Variants in MLPH observed in about 807,000 individuals in gnomAD.
MLPH encodes exophilin-3.
In MLPH, 51 loss-of-function variants were observed where a neutral mutation model predicts 72.1. The observed-to-expected ratio is 0.71, with a 90% CI of 0.56 to 0.89. The LOEUF is 0.89. Ranked by LOEUF, MLPH falls within the 40% of genes least tolerant of loss-of-function variation. The pLI is 0.00. For synonymous variants in MLPH, 301 were observed against 310.1 expected, an observed-to-expected ratio of 0.97 and a Z score of 0.31; for missense variants, 743 against 759.9, an observed-to-expected ratio of 0.98 and a Z score of 0.26.
chr2:237,501,710 A>G (rs58025064), intron 2 of MLPH, among the ~76,000 whole-genome samples: 18,694 of 148,832 alleles, frequency 0.13, 1,523 homozygotes, highest in East Asian at 0.21. Context: ...TTAGCCAGGC[A>G]TGGTGGCAGG....
At chr2:237,498,804 C>T (rs1263093967) in intron 2 of MLPH, among the ~76,000 whole-genome samples, 2 of 152,172 alleles carry the variant, frequency 1.3e-5, no homozygotes, top group Admixed American at 1.3e-4. Context: ...TGCTGTGCAC[C>T]ATAGAATCGA....
intron 8 of MLPH, 152 bp from the exon 9 acceptor site, chr2:237,534,412 C>CAAT (rs1460428516): frequency 1.8e-5 from 13 of 710,566 alleles, no homozygotes; most frequent in Non-Finnish European, 2.3e-5. Context: ...ATGGGTTTCA[C>CAAT]AATTAACCTT....
At chr2:237,515,002 T>C (rs988722860) in intron 4 of MLPH, among the ~76,000 whole-genome samples, 6 of 152,242 alleles carry the variant, frequency 3.9e-5, no homozygotes, top group African/African-American at 1.4e-4. Context: ...TGTTATAAAG[T>C]CCGTCGTTCA....
chr2:237,500,163 C>T (rs2079616964), intron 2 of MLPH, among the ~76,000 whole-genome samples: 1 of 152,216 alleles, frequency 6.6e-6, no homozygotes, highest in South Asian at 2.1e-4. Context: ...CTAGTCCCTT[C>T]TCTGTCTCCT....
At chr2:237,509,376 T>C (rs1559343472) in intron 2 of MLPH, among the ~76,000 whole-genome samples, 1 of 152,094 alleles carries the variant, frequency 6.6e-6, no homozygotes, top group Non-Finnish European at 1.5e-5. Context: ...CCGTTCTGCC[T>C]GGATACAGAA....
At chr2:237,538,137 C>G (rs2080578731) in intron 9 of MLPH, among the ~76,000 whole-genome samples, 1 of 152,206 alleles carries the variant, frequency 6.6e-6, no homozygotes, top group African/African-American at 2.4e-5. Flanking sequence ...TGGCCGTGAA[C>G]AAAGTCGACA....
intron 9 of MLPH, among the ~76,000 whole-genome samples, chr2:237,536,124 C>T (rs992717039): frequency 2.0e-5 from 3 of 152,250 alleles, no homozygotes; most frequent in African/African-American, 4.8e-5. Context: ...GCCAGGGCTC[C>T]GGAGAAACAG....
intron 4 of MLPH, 161 bp downstream of exon 4, chr2:237,511,262 G>T: frequency 5.1e-6 from 3 of 593,176 alleles, no homozygotes; most frequent in Admixed American, 3.0e-5. Context: ...TCCTGCTTCT[G>T]GCTGCTTTTT....
chr2:237,516,822 TG>T (rs1276918290), intron 4 of MLPH, among the ~76,000 whole-genome samples: 64 of 136,942 alleles, frequency 4.7e-4, no homozygotes, highest in African/African-American at 1.6e-3. Flanking sequence ...GATGGATGGA[TG>T]GATGGTAGGA....
rs978440582 is a variant in MLPH, at chr2:237,512,279, C to T, written c.445+1178C>T. ...GAAGAAGCAGAAGTTGGCATAGACA[C>T]CTTTGAGCATTCAAGCTCTCGCCGG... is the stretch of plus-strand genomic sequence containing the variant. On this transcript the variant is annotated intron_variant, in intron 4 of 15. Transcript: ENST00000264605. The surrounding 1 kb of genome is among the most constrained non-coding windows in gnomAD (Gnocchi z 5.5). Among the ~76,000 whole-genome samples the T allele has an allele frequency of 6.6e-6, 1 of 152,212 alleles. No homozygotes were observed. The highest frequency in any genetic ancestry group is 2.4e-5 in the African/African-American group (1 of 41,454).
intron 1 of MLPH, among the ~76,000 whole-genome samples, chr2:237,493,022 G>A (rs931181854): frequency 6.6e-6 from 1 of 152,210 alleles, no homozygotes; most frequent in Non-Finnish European, 1.5e-5. Flanking sequence ...AAGGCGAGAA[G>A]CCTCAGGAAT....
intron 8 of MLPH, among the ~76,000 whole-genome samples, chr2:237,529,634 T>C (rs79539334): frequency 0.017 from 2,632 of 152,326 alleles, 45 homozygotes; most frequent in South Asian, 0.066. Context: ...ATGTCTCTGA[T>C]AGAGCCTTGA....
At chr2:237,533,551 C>G (rs1329243603) in intron 8 of MLPH, among the ~76,000 whole-genome samples, 1 of 151,998 alleles carries the variant, frequency 6.6e-6, no homozygotes, top group African/African-American at 2.4e-5. Flanking sequence ...GAGCCACCAC[C>G]CCTGGCTAAT....
Position 237,519,898 on chromosome 2 carries a change from G to A in MLPH, c.556-12G>A. On this transcript the variant is annotated splice_polypyrimidine_tract_variant and intron_variant, in intron 5 of 15. Transcript: ENST00000264605. ...CCTGACTTGAGTCTTGCCCTGTCTTGTGCCTGCTAAGAAAAAGCGCCTCCT... is the reference window on the plus strand; with the variant it reads ...CCTGACTTGAGTCTTGCCCTGTCTTATGCCTGCTAAGAAAAAGCGCCTCCT... 1.2e-6 allele frequency: 2 copies of A among 1,613,940 alleles called. No homozygotes were observed.
At position 237,520,035 on chromosome 2, in the gene MLPH, T is replaced by C. The variant is rs1373645969; in HGVS notation, c.675+6T>C. Reference sequence around the variant, plus strand: ...AGGCCAGGGACAGCCCACAGGTCAGTGGGTCCTCGTGTCTTTCCCCTGCCC... The same window carrying C: ...AGGCCAGGGACAGCCCACAGGTCAGCGGGTCCTCGTGTCTTTCCCCTGCCC... On this transcript the variant is annotated splice_donor_region_variant and intron_variant, in intron 6 of 15. Transcript: ENST00000264605. 5.0e-6 allele frequency: 8 copies of C among 1,613,640 alleles called. No individual in the cohort carries two copies. Among genetic ancestry groups the C allele is most frequent in the Non-Finnish European group, 6.8e-6 (8 of 1,179,984 alleles).
chr2:237,518,653 G>A lies in MLPH; in HGVS notation c.555+5G>A. 2 of 1,607,908 alleles carry A rather than the reference G, an allele frequency of 1.2e-6. No individual in the cohort carries two copies. Among genetic ancestry groups the A allele is most frequent in the Non-Finnish European group, 1.7e-6 (2 of 1,176,438 alleles). On this transcript the variant is annotated splice_donor_5th_base_variant and intron_variant, in intron 5 of 15. Coordinates refer to ENST00000264605, the MANE Select transcript of MLPH (RefSeq NM_024101.7). Reference sequence around the variant, plus strand: ...GCCCAGCCCTTTGGCAGCAAAGTAAGTCATCTCCAGCCACCCCCTCCTCAG... The same window carrying A: ...GCCCAGCCCTTTGGCAGCAAAGTAAATCATCTCCAGCCACCCCCTCCTCAG...
intron 11 of MLPH, 72 bp from the exon 12 acceptor site, chr2:237,542,495 T>C: frequency 7.9e-7 from 1 of 1,266,998 alleles, no homozygotes; most frequent in Non-Finnish European, 1.1e-6. Flanking sequence ...CAGCTGCTCT[T>C]TCTGTCCATG....
chr2:237,542,672 C>A lies in MLPH; in HGVS notation c.1539+13C>A. 6.5e-7 allele frequency: 1 copy of A among 1,543,208 alleles called. No individual in the cohort carries two copies. The highest frequency in any genetic ancestry group is 8.7e-7 in the Non-Finnish European group (1 of 1,143,014). On this transcript the variant is annotated intron_variant, in intron 12 of 15. Coordinates refer to ENST00000264605, the MANE Select transcript of MLPH (RefSeq NM_024101.7). ...GTCAAACCTCCCGGTGAGTGGGGGG[C>A]AGTGGTGAGTGGAGACAGTGCTGAG...
intron 5 of MLPH, 28 bp downstream of exon 5, chr2:237,518,676 C>A: frequency 6.4e-7 from 1 of 1,562,794 alleles, no homozygotes; most frequent in Non-Finnish European, 8.8e-7. Context: ...ACCCCCTCCT[C>A]AGCCACCTCG....
Sources: allele counts gnomAD v4.1 joint callset (sites outside exome capture counted in the v4.1 genomes callset), GRCh38; gene constraint gnomAD v4.1.1; non-coding constraint Gnocchi (gnomAD v3.1); transcripts MANE v1.5; gene names NCBI Gene and HGNC (gene_info 2026-07-23, HGNC 2026-07-21).